Variants in AFAP1L2 observed in about 807,000 individuals in gnomAD.
The protein encoded by AFAP1L2 is actin filament associated protein 1 like 2, also known as actin filament-associated protein 1-like 2.
AFAP1L2 carries 46 observed loss-of-function variants against 99.3 expected under a neutral mutation model. That is an observed-to-expected ratio of 0.46 (90% CI 0.37 to 0.59). The LOEUF is 0.59. Ranked by LOEUF, AFAP1L2 falls within the 20% of genes least tolerant of loss-of-function variation. The probability of loss-of-function intolerance (pLI) is 0.00; values close to 1 mark genes in which losing one functional copy is unlikely to be tolerated. For missense variants in AFAP1L2, 959 were observed against 1,034.9 expected, an observed-to-expected ratio of 0.93 and a Z score of 1.01; for synonymous variants, 397 against 419.1, an observed-to-expected ratio of 0.95 and a Z score of 0.64.
the AFAP1L2 span, chr10:114,288,821 C>T: frequency 1.0e-6 from 1 of 995,464 alleles, no homozygotes; most frequent in Non-Finnish European, 1.5e-6. Flanking sequence ...GTGTATTCTG[C>T]AGTGAACAGA....
chr10:114,291,748 A>G (rs1236183544), downstream of AFAP1L2, among the ~76,000 whole-genome samples: 1 of 152,174 alleles, frequency 6.6e-6, no homozygotes, highest in African/African-American at 2.4e-5. Flanking sequence ...CCCCAGAGAC[A>G]TTCTGGATGC....
chr10:114,394,635 G>A (rs1347691024), intron 1 of AFAP1L2, among the ~76,000 whole-genome samples: 1 of 151,918 alleles, frequency 6.6e-6, no homozygotes, highest in East Asian at 1.9e-4. Context: ...AGAGAGGGAG[G>A]GAGAGAGGGA....
chr10:114,376,463 C>T (rs939852235), intron 1 of AFAP1L2, among the ~76,000 whole-genome samples: 7 of 152,184 alleles, frequency 4.6e-5, no homozygotes, highest in South Asian at 2.1e-4. Context: ...AGCATATAGA[C>T]AGTCTAGATT....
chr10:114,377,520 T>C lies in AFAP1L2; in HGVS notation c.16+26920A>G, dbSNP rs1031509334. 6.6e-6 allele frequency among the ~76,000 whole-genome samples: 1 copy of C among 152,216 alleles called. No individual in the cohort carries two copies. The highest frequency in any genetic ancestry group is 1.5e-5 in the Non-Finnish European group (1 of 68,042). Reference sequence around the variant, plus strand: ...CATAGACACTGTACCATATGCCATATGTACTTAATCAAGGGAGTATAACTT... The same window carrying C: ...CATAGACACTGTACCATATGCCATACGTACTTAATCAAGGGAGTATAACTT... On this transcript the variant is annotated intron_variant, in intron 1 of 18. Transcript: ENST00000304129. This position sits in a 1 kb window ranked among gnomAD's most constrained non-coding sequence, Gnocchi z 4.0.
chr10:114,324,929 G>A (rs575712666), intron 4 of AFAP1L2, among the ~76,000 whole-genome samples: 9 of 152,342 alleles, frequency 5.9e-5, no homozygotes, highest in African/African-American at 2.2e-4. Context: ...AGGAGACAGT[G>A]GGAGGACAGG....
chr10:114,317,142 C>CGATTTTACTAAGAAGCACATTT (rs11275123), intron 5 of AFAP1L2, among the ~76,000 whole-genome samples: 101,222 of 151,452 alleles, frequency 0.67, 35,186 homozygotes, highest in East Asian at 0.93. Context: ...AAAATGTTGT[C>CGATTTTACTAAGAAGCACATTT]GATTTTACTA....
chr10:114,308,728 C>T (rs1590021097), intron 8 of AFAP1L2, among the ~76,000 whole-genome samples: 1 of 152,324 alleles, frequency 6.6e-6, no homozygotes, highest in Admixed American at 6.5e-5. Context: ...GTGACAGTGA[C>T]CCTGTAGCCA....
chr10:114,323,878 G>A (rs2045787947), intron 4 of AFAP1L2, among the ~76,000 whole-genome samples: 1 of 152,166 alleles, frequency 6.6e-6, no homozygotes, highest in African/African-American at 2.4e-5. Context: ...TGCTATAATG[G>A]ACAAGGTCAA....
Position 114,295,840 on chromosome 10 carries a change from A to G in AFAP1L2, c.*202T>C. 7.1e-7 allele frequency: 1 copy of G among 1,407,254 alleles called. No homozygotes were observed. The highest frequency in any genetic ancestry group is 9.3e-7 in the Non-Finnish European group (1 of 1,080,906). The allele number at this position is 1,407,254 out of a possible 1,614,324, so 87.2% of individuals were successfully genotyped here. ...TCCAATAGACTTAGGTCTCCAAAGA[A>G]GCCTCCTTTTTGTTGTATTATTTCC... On this transcript the variant is annotated 3_prime_UTR_variant, in exon 19 of 19. Coordinates refer to ENST00000304129, the MANE Select transcript of AFAP1L2 (RefSeq NM_001001936.3).
rs138702855 is a variant in AFAP1L2, at chr10:114,353,622, T to G, written c.17-12891A>C. Among the ~76,000 whole-genome samples the G allele has an allele frequency of 9.8e-5, 15 of 152,334 alleles. 1 individual carries two copies. The East Asian group carries it at 2.9e-3, about 29-fold the overall frequency. On this transcript the variant is annotated intron_variant, in intron 1 of 18. Coordinates refer to ENST00000304129, the MANE Select transcript of AFAP1L2 (RefSeq NM_001001936.3). ...TCCTGGCCCCAAGCCTAGAGTTTAT[T>G]CCATTGCTCTGAGTCGACCTTACAT...
chr10:114,301,402 G>A lies in AFAP1L2; in HGVS notation c.1494C>T (p.Arg498=), dbSNP rs2041162675. ...CCACGTCGTCATACAGCTCCTCCTG[G>A]CGGTCCTGGCTAGGCAGGCCATCGA... The part of the protein sequence containing the change: ...TYIDGLPSQD[R]QEELYDDVDL... Residue 498 remains arginine (R), a synonymous_variant, in exon 13 of 19, where the codon CGC becomes CGT. Coordinates refer to ENST00000304129, the MANE Select transcript of AFAP1L2 (RefSeq NM_001001936.3). 6.2e-7 allele frequency: 1 copy of A among 1,614,126 alleles called. No individual in the cohort carries two copies. The highest frequency in any genetic ancestry group is 1.7e-5 in the Admixed American group (1 of 60,014).
chr10:114,401,122 C>A lies in AFAP1L2; in HGVS notation c.16+3318G>T, dbSNP rs183552602. Among the ~76,000 whole-genome samples, 378 of 152,268 alleles carry A rather than the reference C, an allele frequency of 2.5e-3. 1 individual carries two copies. The highest frequency in any genetic ancestry group is 8.3e-3 in the African/African-American group (346 of 41,544). On this transcript the variant is annotated intron_variant, in intron 1 of 18. Transcript: ENST00000304129. Reference sequence around the variant, plus strand: ...AATGCCCTAGAGCTAAGCGGGGGGACTGGATGATCAAATTCAGAAACAAAA... The same window carrying A: ...AATGCCCTAGAGCTAAGCGGGGGGAATGGATGATCAAATTCAGAAACAAAA...
At chr10:114,388,987 CT>C (rs2056831631) in intron 1 of AFAP1L2, among the ~76,000 whole-genome samples, 1 of 152,174 alleles carries the variant, frequency 6.6e-6, no homozygotes, top group South Asian at 2.1e-4. Context: ...AGAAAGAATG[CT>C]GGGAAAACAG....
At chr10:114,401,079 C>A (rs11196726) in intron 1 of AFAP1L2, among the ~76,000 whole-genome samples, 1,641 of 152,306 alleles carry the variant, frequency 0.011, 37 homozygotes, top group African/African-American at 0.036. Flanking sequence ...TGACTCTTTG[C>A]AGTTCATATC....
intron 1 of AFAP1L2, among the ~76,000 whole-genome samples, chr10:114,384,760 G>A (rs1396828063): frequency 6.6e-6 from 1 of 152,240 alleles, no homozygotes; most frequent in Non-Finnish European, 1.5e-5. Flanking sequence ...GCTGTGCCCT[G>A]TGGCCAGGGA....
At chr10:114,386,197 T>C (rs919144012) in intron 1 of AFAP1L2, among the ~76,000 whole-genome samples, 3 of 152,024 alleles carry the variant, frequency 2.0e-5, no homozygotes, top group African/African-American at 7.3e-5. Context: ...CAACGGAATA[T>C]CTGTGAGGGG....
At chr10:114,346,624 C>T (rs1272917904) in intron 1 of AFAP1L2, among the ~76,000 whole-genome samples, 3 of 152,218 alleles carry the variant, frequency 2.0e-5, no homozygotes, top group East Asian at 1.9e-4. Flanking sequence ...CATTTCCTTT[C>T]TCCCCCACCA....
chr10:114,398,852 C>T (rs1050693282), intron 1 of AFAP1L2: 10 of 1,304,304 alleles, frequency 7.7e-6, no homozygotes, highest in South Asian at 1.2e-5. Flanking sequence ...CATACTCACA[C>T]GCAGAAACCT....
At chr10:114,329,197 C>A (rs543411584) in intron 4 of AFAP1L2, among the ~76,000 whole-genome samples, 1 of 152,174 alleles carries the variant, frequency 6.6e-6, no homozygotes, top group Non-Finnish European at 1.5e-5. Context: ...AGACGACAAT[C>A]CAGGAAGTCT....
Sources: allele counts gnomAD v4.1 joint callset (sites outside exome capture counted in the v4.1 genomes callset), GRCh38; gene constraint gnomAD v4.1.1; non-coding constraint Gnocchi (gnomAD v3.1); transcripts MANE v1.5; gene names NCBI Gene and HGNC (gene_info 2026-07-23, HGNC 2026-07-21).